ZNF675: variants seen among roughly 807,000 people sequenced by gnomAD.
The protein encoded by ZNF675 is zinc finger protein 675, also known as TRAF6 inhibitory zinc finger.
Under a neutral mutation model 56.1 loss-of-function variants are expected in ZNF675, and 36 were observed. The ratio of observed to expected loss-of-function variants is 0.64; its 90% confidence interval spans 0.49 to 0.85. ZNF675 has a LOEUF of 0.85. ZNF675 is among the 40% of genes least tolerant of loss of function. ZNF675 has a pLI of 0.00. For synonymous variants in ZNF675, 200 were observed against 218.9 expected, an observed-to-expected ratio of 0.91 and a Z score of 0.76; for missense variants, 663 against 654.2, an observed-to-expected ratio of 1.01 and a Z score of -0.15.
intron 1 of ZNF675, among the ~76,000 whole-genome samples, chr19:23,678,810 AAG>A (rs1470017113): frequency 1.3e-5 from 2 of 151,688 alleles, no homozygotes; most frequent in Non-Finnish European, 2.9e-5. Context: ...AAAGCTGACA[AAG>A]AGAAATACAG....
intron 1 of ZNF675, among the ~76,000 whole-genome samples, chr19:23,670,781 G>C (rs1968218064): frequency 1.3e-5 from 2 of 152,108 alleles, no homozygotes; most frequent in South Asian, 4.1e-4. Context: ...ATTTGCTGAT[G>C]GGTTTCAAAC....
In ZNF675 at chr19:23,654,019, A is replaced by AT; in HGVS notation, c.913dup (p.Ile305AsnfsTer11). The AT allele has an allele frequency of 6.2e-7, 1 of 1,613,326 alleles. No individual in the cohort carries two copies. Among genetic ancestry groups the AT allele is most frequent in the Non-Finnish European group, 8.5e-7 (1 of 1,179,878 alleles). ...TATGTAGGGTTGCTCTCCAGTATGA[A>AT]TTTTTTTATGTGTAGTAAGATTTGA... On this transcript the variant is annotated frameshift_variant, in exon 4 of 4. Transcript: ENST00000359788. LOFTEE classifies it high-confidence loss of function.
chr19:23,668,759 C>T (rs561512413), intron 1 of ZNF675, among the ~76,000 whole-genome samples: 5 of 152,298 alleles, frequency 3.3e-5, no homozygotes, highest in Admixed American at 6.5e-5. Flanking sequence ...CCTCCGCAGC[C>T]GCTGGCCCGG....
At chr19:23,685,619 T>C (rs1245875683) in intron 1 of ZNF675, among the ~76,000 whole-genome samples, 6 of 152,200 alleles carry the variant, frequency 3.9e-5, no homozygotes, top group African/African-American at 1.4e-4. Flanking sequence ...TATCAGGGAA[T>C]TGTTCTTCTT....
At chr19:23,654,846 G>C in intron 3 of ZNF675, 140 bp from the exon 4 acceptor site, 3 of 548,054 alleles carry the variant, frequency 5.5e-6, no homozygotes, top group Admixed American at 3.6e-5. Context: ...CCCCAGGTGA[G>C]CACAATGCAA....
rs563294533 is a variant in ZNF675, at chr19:23,676,490, C to A, written c.3+10541G>T. Reference sequence around the variant, plus strand: ...TGAAAAACCAAATCCAGCAGCACATCAAAAAGTTAATCCACCATTATCAAG... The same window carrying A: ...TGAAAAACCAAATCCAGCAGCACATAAAAAAGTTAATCCACCATTATCAAG... On this transcript the variant is annotated intron_variant, in intron 1 of 3. Coordinates refer to ENST00000359788, the MANE Select transcript of ZNF675 (RefSeq NM_138330.3). Among the ~76,000 whole-genome samples, 2 of 151,780 alleles carry A rather than the reference C, an allele frequency of 1.3e-5. 1 individual carries two copies. Among genetic ancestry groups the A allele is most frequent in the South Asian group, 4.1e-4 (2 of 4,820 alleles).
intron 1 of ZNF675, among the ~76,000 whole-genome samples, chr19:23,684,239 G>A (rs1968414188): frequency 1.3e-5 from 2 of 150,326 alleles, no homozygotes; most frequent in Admixed American, 6.6e-5. Flanking sequence ...TCCAGCCTGG[G>A]CAACAAATCG....
chr19:23,653,500 A>G lies in ZNF675; in HGVS notation c.1433T>C (p.Ile478Thr). Residue 478 changes from isoleucine (I) to threonine (T), a missense_variant, in exon 4 of 4, where the codon ATA becomes ACA. Physicochemically the swap from Ile to Thr is moderately conservative, Grantham distance 89. This residue lies in a region of ZNF675 where 617 missense variants were observed against 590.5 expected (regional missense o/e 1.04). Coordinates refer to ENST00000359788, the MANE Select transcript of ZNF675 (RefSeq NM_138330.3). ...TEHKKIHSGEIPYKCEECGKA... is the reference protein window; with the variant it reads ...TEHKKIHSGETPYKCEECGKA... Reference sequence around the variant, plus strand: ...GCCACATTCTTCACACTTGTAGGGTATCTCTCCAGAATGAATTTTCTTATG... The same window carrying G: ...GCCACATTCTTCACACTTGTAGGGTGTCTCTCCAGAATGAATTTTCTTATG... 3.8e-6 allele frequency: 6 copies of G among 1,598,070 alleles called. No homozygotes were observed. The South Asian group carries it at 5.5e-5, about 15-fold the overall frequency.
At chr19:23,656,621 C>CGT (rs1967987181) in intron 3 of ZNF675, 1 of 146,700 alleles carries the variant, frequency 6.8e-6, no homozygotes, top group Non-Finnish European at 1.5e-5. Context: ...GGTATACACA[C>CGT]ACACACACAC....
At chr19:23,668,850 C>T (rs941288818) in intron 1 of ZNF675, among the ~76,000 whole-genome samples, 7 of 152,186 alleles carry the variant, frequency 4.6e-5, no homozygotes, top group Non-Finnish European at 8.8e-5. Context: ...CACGCCCACC[C>T]GGAACTCCAG....
In ZNF675 at chr19:23,654,884, TC is replaced by T. The variant is rs1159103971; in HGVS notation, c.227-179del. 1.3e-5 allele frequency: 6 copies of T among 453,288 alleles called. 1 individual carries two copies. The South Asian group carries it at 1.6e-4, about 12-fold the overall frequency. The allele number at this position is 453,288 out of a possible 1,614,324, so 28.1% of individuals were successfully genotyped here. ...AGCCACATAGAAAAAAAAAAAAAAT[TC>T]TGTCACATTTACCCAACACAGCTTT... is the stretch of plus-strand genomic sequence containing the variant. On this transcript the variant is annotated intron_variant, in intron 3 of 3. Transcript: ENST00000359788.
At chr19:23,673,702 T>G (rs1396329697) in intron 1 of ZNF675, among the ~76,000 whole-genome samples, 1 of 152,046 alleles carries the variant, frequency 6.6e-6, no homozygotes, top group Non-Finnish European at 1.5e-5. Context: ...GGGAGAGCAT[T>G]AGGACATATA....
intron 1 of ZNF675, among the ~76,000 whole-genome samples, chr19:23,680,590 C>G (rs891888847): frequency 6.6e-6 from 1 of 151,382 alleles, no homozygotes; most frequent in African/African-American, 2.5e-5. Flanking sequence ...AACCCTGTCT[C>G]TACTGAAAAT....
chr19:23,683,551 A>T (rs1009648958), intron 1 of ZNF675, among the ~76,000 whole-genome samples: 4 of 152,202 alleles, frequency 2.6e-5, no homozygotes, highest in Admixed American at 2.6e-4. Flanking sequence ...CCTCCCAAGT[A>T]GCTGGGACTA....
At chr19:23,674,733 C>T (rs6511489) in intron 1 of ZNF675, among the ~76,000 whole-genome samples, 146,932 of 151,376 alleles carry the variant, frequency 0.97, 71,609 homozygotes, top group Middle Eastern at 1. Flanking sequence ...CTTTGAGAGG[C>T]CAAGGTGGGT....
chr19:23,662,999 A>T (rs1037091689), intron 2 of ZNF675, 33 bp downstream of exon 2: 11 of 1,538,328 alleles, frequency 7.2e-6, no homozygotes, highest in African/African-American at 1.4e-5. Context: ...AAAACAAAAA[A>T]AAAAAGAAAC....
chr19:23,672,477 A>C (rs1457702155), intron 1 of ZNF675, among the ~76,000 whole-genome samples: 1 of 152,222 alleles, frequency 6.6e-6, no homozygotes, highest in Non-Finnish European at 1.5e-5. Flanking sequence ...AAGGGGTTTT[A>C]ATATTTCCAT....
intron 2 of ZNF675, 88 bp downstream of exon 2, chr19:23,662,944 A>G: frequency 7.8e-7 from 1 of 1,288,868 alleles, no homozygotes; most frequent in Non-Finnish European, 1.0e-6. Context: ...AGATCGCACC[A>G]CTGCACTCTA....
At chr19:23,681,063 G>A (rs1224329244) in intron 1 of ZNF675, among the ~76,000 whole-genome samples, 2 of 151,764 alleles carry the variant, frequency 1.3e-5, no homozygotes, top group Admixed American at 6.6e-5. Flanking sequence ...GGACTGGTTT[G>A]TACTACAGAT....
Sources: allele counts gnomAD v4.1 joint callset (sites outside exome capture counted in the v4.1 genomes callset), GRCh38; gene constraint gnomAD v4.1.1; regional missense constraint gnomAD v4.1.1; transcripts MANE v1.5; gene names NCBI Gene and HGNC (gene_info 2026-07-23, HGNC 2026-07-21).